Variants in SHANK2 observed in about 807,000 individuals in gnomAD.
SHANK2 encodes SH3 and multiple ankyrin repeat domains 2.
In SHANK2, 43 loss-of-function variants were observed where a neutral mutation model predicts 133.7. The ratio of observed to expected loss-of-function variants is 0.32; its 90% CI spans 0.25 to 0.41. The LOEUF is 0.41. Ranked by LOEUF, SHANK2 falls within the 10% of genes least tolerant of loss-of-function variation. The pLI, the probability that SHANK2 is intolerant of heterozygous loss-of-function variation, is 1.00. For missense variants in SHANK2, 1,994 were observed against 2,235.8 expected (o/e 0.89, Z 2.18); for synonymous variants, 1,017 against 952.8 (o/e 1.07, Z -1.24).
In SHANK2 at chr11:70,659,847, G is replaced by A; in HGVS notation, c.2042C>T (p.Thr681Ile). The part of the protein sequence containing the change: ...GGVAWQAGLR[T>I]GDFLIEVNNE... Reference sequence around the variant, plus strand: ...CCCTACCTCAATCAAGAAGTCCCCGGTCCTTAGTCCGGCTTGCCACGCCAC... The same window carrying A: ...CCCTACCTCAATCAAGAAGTCCCCGATCCTTAGTCCGGCTTGCCACGCCAC... Residue 681 changes from threonine (T) to isoleucine (I), a missense_variant, in exon 17 of 26, where the codon ACC (threonine) becomes ATC (isoleucine). Physicochemically the swap from Thr to Ile is moderately conservative, Grantham distance 89. Around this residue, in one of 5 missense-constraint regions of SHANK2, gnomAD observed 488 missense variants for 642.6 expected, o/e 0.76. Transcript: ENST00000601538. 6.2e-7 allele frequency: 1 copy of A among 1,614,152 alleles called. No individual in the cohort carries two copies. Among genetic ancestry groups the A allele is most frequent in the Non-Finnish European group, 8.5e-7 (1 of 1,180,028 alleles).
intron 2 of SHANK2, among the ~76,000 whole-genome samples, chr11:71,209,419 G>T (rs923393249): frequency 7.2e-5 from 11 of 152,222 alleles, no homozygotes; most frequent in Non-Finnish European, 1.3e-4. Flanking sequence ...GTTCGCAGGA[G>T]CCCAGCCAAG....
At chr11:70,671,288 T>A (rs546668204) in intron 15 of SHANK2, among the ~76,000 whole-genome samples, 2 of 151,740 alleles carry the variant, frequency 1.3e-5, no homozygotes, top group South Asian at 4.2e-4. Context: ...GGAGGGAGAA[T>A]GCTAGGAGGG....
At chr11:71,103,036 C>T (rs1490894170) in intron 6 of SHANK2, among the ~76,000 whole-genome samples, 1 of 152,226 alleles carries the variant, frequency 6.6e-6, no homozygotes, top group African/African-American at 2.4e-5. Flanking sequence ...GCTCTCTCTG[C>T]CTCTTTTGTA....
intron 2 of SHANK2, among the ~76,000 whole-genome samples, chr11:71,210,196 T>C (rs1555118658): frequency 9.0e-6 from 1 of 110,570 alleles, no homozygotes. Context: ...GTCCTCTTCA[T>C]TGGAAATCCA....
Position 70,610,743 on chromosome 11 carries a change from C to T in SHANK2, c.2061+49085G>A, listed in dbSNP as rs544070708. On this transcript the variant is annotated intron_variant, in intron 17 of 25. Coordinates refer to ENST00000601538, the MANE Select transcript of SHANK2 (RefSeq NM_012309.5). ...AGCACAGAACACGGCATGGGGCTGG[C>T]GTGCAGGAAAACCAGGCACCCCTGC... Among the ~76,000 whole-genome samples, 7 of 152,350 alleles carry T rather than the reference C, an allele frequency of 4.6e-5. No homozygotes were observed. In the East Asian group the frequency reaches 7.7e-4, roughly 17 times the overall value.
intron 11 of SHANK2, among the ~76,000 whole-genome samples, chr11:70,843,736 C>T (rs782145714): frequency 6.6e-6 from 1 of 152,026 alleles, no homozygotes; most frequent in African/African-American, 2.4e-5. Context: ...CCCCCCAGCC[C>T]ACCTGCAGGG....
chr11:70,878,387 G>T (rs982231989), intron 11 of SHANK2, among the ~76,000 whole-genome samples: 1 of 152,154 alleles, frequency 6.6e-6, no homozygotes, highest in African/African-American at 2.4e-5. Context: ...GAGAAAATTC[G>T]GAACAAACAT....
intron 14 of SHANK2, among the ~76,000 whole-genome samples, chr11:70,785,952 G>A (rs1316416114): frequency 4.6e-5 from 7 of 152,120 alleles, no homozygotes; most frequent in East Asian, 3.9e-4. Context: ...GAGGGTGGTC[G>A]CCTGGGACCA....
intron 15 of SHANK2, chr11:70,662,018 A>T: frequency 1.8e-6 from 1 of 563,606 alleles, no homozygotes. Context: ...CGCCCAGGGC[A>T]AAGAAAGTAA....
At chr11:71,215,914 C>T (rs1954401500) in intron 2 of SHANK2, among the ~76,000 whole-genome samples, 1 of 152,170 alleles carries the variant, frequency 6.6e-6, no homozygotes, top group Admixed American at 6.5e-5. Context: ...TTTCGAACCA[C>T]AATGAGACAG....
At chr11:71,116,785 T>C (rs1290161309) in intron 4 of SHANK2, among the ~76,000 whole-genome samples, 1 of 152,090 alleles carries the variant, frequency 6.6e-6, no homozygotes, top group African/African-American at 2.4e-5. Context: ...GCCCTCCCCA[T>C]GGTAGTCAGT....
At chr11:71,243,153 G>A (rs1307485041) in intron 1 of SHANK2, among the ~76,000 whole-genome samples, 2 of 152,208 alleles carry the variant, frequency 1.3e-5, no homozygotes, top group Non-Finnish European at 1.5e-5. Context: ...CACCTTGTGA[G>A]AGTCAGAAAA....
chr11:70,688,202 TC>T (rs1221683820), intron 15 of SHANK2, among the ~76,000 whole-genome samples: 2 of 152,098 alleles, frequency 1.3e-5, no homozygotes, highest in South Asian at 2.1e-4. Flanking sequence ...CTGAGCTGGA[TC>T]CCCCCTGCAG....
chr11:70,893,460 A>C (rs1227068444), intron 11 of SHANK2, among the ~76,000 whole-genome samples: 1 of 152,202 alleles, frequency 6.6e-6, no homozygotes, highest in Non-Finnish European at 1.5e-5. Context: ...AGGATTTCAC[A>C]ACAGATTCAC....
chr11:71,157,516 C>T (rs1228728924), intron 2 of SHANK2, among the ~76,000 whole-genome samples: 8 of 152,216 alleles, frequency 5.3e-5, no homozygotes, highest in Admixed American at 3.3e-4. Context: ...TGGTCTGCAC[C>T]GTCTTTCTTT....
At chr11:70,812,551 G>C (rs1349702689) in intron 12 of SHANK2, among the ~76,000 whole-genome samples, 4 of 152,182 alleles carry the variant, frequency 2.6e-5, no homozygotes, top group Non-Finnish European at 4.4e-5. Flanking sequence ...GACAGAATGA[G>C]GTGAACAAGA....
chr11:71,181,783 A>C (rs891493727), intron 2 of SHANK2, among the ~76,000 whole-genome samples: 4 of 152,352 alleles, frequency 2.6e-5, no homozygotes, highest in African/African-American at 7.2e-5. Flanking sequence ...GGACGCCGTC[A>C]GAGCCACCTG....
rs782383457 is a variant in SHANK2, at chr11:70,487,239, G to A, written c.3054C>T (p.Asn1018=). 52 of 1,614,070 alleles carry A rather than the reference G, an allele frequency of 3.2e-5. No individual in the cohort carries two copies. The highest frequency in any genetic ancestry group is 6.7e-5 in the East Asian group (3 of 44,888). ...RRKGMLVKQS[N]VEDSPEKTCS... Reference sequence around the variant, plus strand: ...ACGTCTTCTCGGGGCTGTCCTCCACGTTGGACTGCTTCACCAGCATCCCCT... The same window carrying A: ...ACGTCTTCTCGGGGCTGTCCTCCACATTGGACTGCTTCACCAGCATCCCCT... Residue 1018 remains asparagine (N), a synonymous_variant, in exon 25 of 26, where the codon AAC becomes AAT. Coordinates refer to ENST00000601538, the MANE Select transcript of SHANK2 (RefSeq NM_012309.5). The surrounding 1 kb of genome is among the most constrained non-coding windows in gnomAD (Gnocchi z 5.8).
chr11:70,597,863 A>G (rs2060422322), intron 17 of SHANK2, among the ~76,000 whole-genome samples: 1 of 152,062 alleles, frequency 6.6e-6, no homozygotes, highest in African/African-American at 2.4e-5. Flanking sequence ...ACAAAGCAAG[A>G]CTCCATCTCA....
Sources: gnomAD v4.1 joint callset for allele counts (sites outside exome capture counted in the v4.1 genomes callset) on GRCh38, gnomAD v4.1.1 for gene constraint, gnomAD v4.1.1 regional missense constraint, Gnocchi (gnomAD v3.1) non-coding constraint, MANE v1.5 for transcripts, NCBI Gene and HGNC (gene_info 2026-07-23, HGNC 2026-07-21) for gene names.